Variants in HLCS observed in about 807,000 individuals in gnomAD.
HLCS encodes the protein holocarboxylase synthetase, also known as biotin--protein ligase.
In HLCS, 53 loss-of-function variants were observed where a neutral mutation model predicts 75.0. That is an observed-to-expected ratio of 0.71 (90% CI 0.57 to 0.89). HLCS has a LOEUF of 0.89. Among genes scored for constraint, HLCS ranks in the 40% least tolerant of loss-of-function variants. The probability of loss-of-function intolerance (pLI) is 0.00; values close to 1 mark genes in which losing one functional copy is unlikely to be tolerated. For synonymous variants in HLCS, 431 were observed against 428.6 expected (o/e 1.01, Z -0.07); for missense variants, 966 against 1,074.0 (o/e 0.90, Z 1.41).
intron 3 of HLCS, among the ~76,000 whole-genome samples, chr21:36,938,450 T>C (rs1247769043): frequency 6.6e-6 from 1 of 152,194 alleles, no homozygotes; most frequent in African/African-American, 2.4e-5. Flanking sequence ...AAGCATAGCC[T>C]TTATGTCATA....
At chr21:36,900,421 G>A (rs1025878585) in intron 5 of HLCS, among the ~76,000 whole-genome samples, 4 of 152,196 alleles carry the variant, frequency 2.6e-5, no homozygotes, top group African/African-American at 9.6e-5. Flanking sequence ...CATTTGAGCA[G>A]AGTGAGCCTG....
chr21:36,868,274 G>GAAAGAAA (rs2063636299), intron 6 of HLCS, among the ~76,000 whole-genome samples: 88 of 135,458 alleles, frequency 6.5e-4, no homozygotes, highest in African/African-American at 2.5e-3. Flanking sequence ...AAGGAAGGAA[G>GAAAGAAA]GAAAGAAAGA....
intron 6 of HLCS, among the ~76,000 whole-genome samples, chr21:36,790,640 C>G (rs140664572): frequency 0.014 from 2,153 of 152,290 alleles, 20 homozygotes; most frequent in Middle Eastern, 0.037. Context: ...CTGCCTTTCC[C>G]ACGATCTTAT....
chr21:36,965,155 AC>A (rs1569259721), intron 1 of HLCS, among the ~76,000 whole-genome samples: 10 of 152,200 alleles, frequency 6.6e-5, no homozygotes, highest in African/African-American at 2.4e-4. Context: ...CACAATTTCA[AC>A]CCATATCTAA....
chr21:36,923,656 T>C (rs2066274982), intron 5 of HLCS, among the ~76,000 whole-genome samples: 1 of 152,164 alleles, frequency 6.6e-6, no homozygotes, highest in Non-Finnish European at 1.5e-5. Context: ...GGCACACTTG[T>C]GGAAACAAGA....
At chr21:36,888,445 A>AAAAAAT (rs2064596202) in intron 6 of HLCS, among the ~76,000 whole-genome samples, 3 of 24,104 alleles carry the variant, frequency 1.2e-4, no homozygotes, top group African/African-American at 3.8e-4. Context: ...AAAAAAAAAA[A>AAAAAAT]ATATATATAT....
At chr21:36,913,152 A>G (rs1389739350) in intron 5 of HLCS, among the ~76,000 whole-genome samples, 4 of 152,134 alleles carry the variant, frequency 2.6e-5, no homozygotes, top group Non-Finnish European at 5.9e-5. Context: ...AGACAGCATT[A>G]ACGACTGCCC....
intron 7 of HLCS, 41 bp downstream of exon 7, chr21:36,767,177 G>GAA: frequency 6.3e-7 from 1 of 1,599,446 alleles, no homozygotes; most frequent in Non-Finnish European, 8.6e-7. Context: ...GCAGAGTTTA[G>GAA]AAAACAGAAG....
intron 1 of HLCS, among the ~76,000 whole-genome samples, chr21:36,988,648 G>A (rs2146753899): frequency 6.6e-6 from 1 of 152,344 alleles, no homozygotes; most frequent in East Asian, 1.9e-4. Flanking sequence ...CTCTCTAGGA[G>A]TTGGACCATC....
At chr21:36,793,295 C>CTTTTTTTTTTTTTTTTTTT (rs761549990) in intron 6 of HLCS, among the ~76,000 whole-genome samples, 3 of 116,250 alleles carry the variant, frequency 2.6e-5, no homozygotes, top group Non-Finnish European at 3.6e-5. Flanking sequence ...AGGAAGCAGT[C>CTTTTTTTTTTTTTTTTTTT]TTTTTTTTTT....
chr21:36,872,104 A>G (rs2063789196), intron 6 of HLCS, among the ~76,000 whole-genome samples: 1 of 152,270 alleles, frequency 6.6e-6, no homozygotes, highest in East Asian at 1.9e-4. Flanking sequence ...ATGCCTTTCA[A>G]TGTAAATTGC....
Position 36,754,261 on chromosome 21 carries a change from G to T in HLCS, c.2607C>A (p.Leu869=). 6.2e-7 allele frequency: 1 copy of T among 1,614,096 alleles called. No homozygotes were observed. The highest frequency in any genetic ancestry group is 1.7e-5 in the Admixed American group (1 of 60,018). ...NSFDMLRNLI[L]PKRR is the part of the protein sequence containing the mutation. Reference sequence around the variant, plus strand: ...ACGCCCGGCATTACCGCCGTTTGGGGAGGATGAGGTTTCTCAGCATGTCGA... The same window carrying T: ...ACGCCCGGCATTACCGCCGTTTGGGTAGGATGAGGTTTCTCAGCATGTCGA... The change falls in exon 11 of 11, where the codon CTC becomes CTA. Residue 869 remains leucine, a synonymous_variant. Coordinates refer to ENST00000674895, the MANE Select transcript of HLCS (RefSeq NM_001352514.2).
intron 6 of HLCS, among the ~76,000 whole-genome samples, chr21:36,831,445 C>T (rs568502230): frequency 9.9e-5 from 15 of 152,226 alleles, no homozygotes; most frequent in East Asian, 1.9e-4. Context: ...TTTGGGAGGG[C>T]GAGGTGGGCA....
intron 5 of HLCS, among the ~76,000 whole-genome samples, chr21:36,917,508 C>A (rs1661940445): frequency 6.6e-6 from 1 of 152,146 alleles, no homozygotes. Flanking sequence ...GCATTAATAA[C>A]AGCTTATTGG....
intron 9 of HLCS, among the ~76,000 whole-genome samples, chr21:36,758,003 T>C (rs955578509): frequency 2.6e-5 from 4 of 152,140 alleles, no homozygotes; most frequent in African/African-American, 9.7e-5. Context: ...CTGCTCTGAA[T>C]CCCCAAAGTC....
chr21:36,878,326 T>G (rs1479231643), intron 6 of HLCS, among the ~76,000 whole-genome samples: 1 of 152,162 alleles, frequency 6.6e-6, no homozygotes, highest in Non-Finnish European at 1.5e-5. Flanking sequence ...ATGAAGATGA[T>G]AAAATTACAT....
intron 6 of HLCS, among the ~76,000 whole-genome samples, chr21:36,844,945 A>T (rs962801166): frequency 6.6e-6 from 1 of 152,150 alleles, no homozygotes; most frequent in South Asian, 2.1e-4. Flanking sequence ...TTACAATTTT[A>T]AGGCAATTGT....
Position 36,923,865 on chromosome 21 carries a change from C to T in HLCS, c.1620+6386G>A, listed in dbSNP as rs1216260345. Among the ~76,000 whole-genome samples, 3 of 152,038 alleles carry T rather than the reference C, an allele frequency of 2.0e-5. 1 individual carries two copies. Among genetic ancestry groups the T allele is most frequent in the Non-Finnish European group, 4.4e-5 (3 of 68,006 alleles). On this transcript the variant is annotated intron_variant, in intron 5 of 10. Coordinates refer to ENST00000674895, the MANE Select transcript of HLCS (RefSeq NM_001352514.2). ...GTCAAAATGAACAAAAAATTTCCAG[C>T]GTAGGTGAAGGGCGAAGGAAGAAAG...
intron 6 of HLCS, among the ~76,000 whole-genome samples, chr21:36,799,743 G>A (rs1262175555): frequency 1.3e-5 from 2 of 152,132 alleles, no homozygotes; most frequent in African/African-American, 2.4e-5. Context: ...TGCCAACAAC[G>A]TCCAACACAG....
Sources: allele counts gnomAD v4.1 joint callset (sites outside exome capture counted in the v4.1 genomes callset), GRCh38; gene constraint gnomAD v4.1.1; transcripts MANE v1.5; gene names NCBI Gene and HGNC (gene_info 2026-07-23, HGNC 2026-07-21).